NGFR: variants seen among roughly 807,000 people sequenced by gnomAD.
NGFR encodes tumor necrosis factor receptor superfamily member 16.
NGFR carries 30 observed loss-of-function variants against 43.2 expected under a neutral mutation model. That is an observed-to-expected ratio of 0.69 (90% CI 0.52 to 0.94). The LOEUF (loss-of-function observed/expected upper bound fraction) is 0.94. Among genes scored for constraint, NGFR ranks in the 40% least tolerant of loss-of-function variants. The pLI is 0.00. For synonymous variants in NGFR, 246 were observed against 259.6 expected, an observed-to-expected ratio of 0.95 and a Z score of 0.50; for missense variants, 529 against 602.5, an observed-to-expected ratio of 0.88 and a Z score of 1.28.
rs1291076719 is a variant in NGFR, at chr17:49,513,928, G to A, written c.*919G>A. ...CTGTCCCTCTCAGGCATGCCTGTGTGACATCAGTGGCATGGCTCCAGTCTG... is the reference window on the plus strand; with the variant it reads ...CTGTCCCTCTCAGGCATGCCTGTGTAACATCAGTGGCATGGCTCCAGTCTG... On this transcript the variant is annotated 3_prime_UTR_variant, in exon 6 of 6. Coordinates refer to ENST00000172229, the MANE Select transcript of NGFR (RefSeq NM_002507.4). The A allele has an allele frequency of 6.6e-6, 1 of 152,416 alleles. No homozygotes were observed. Among genetic ancestry groups the A allele is most frequent in the Non-Finnish European group, 1.5e-5 (1 of 68,186 alleles). 9.4% of individuals were successfully genotyped at this position (152,416 alleles called of 1,614,324 possible). A position where few individuals can be genotyped will look rare whatever the true frequency, so the allele number is the denominator to read the frequency against.
chr17:49,506,805 G>A, intron 3 of NGFR, 147 bp downstream of exon 3: 3 of 718,762 alleles, frequency 4.2e-6, no homozygotes, highest in Non-Finnish European at 2.2e-6. Flanking sequence ...CCTTCCCTGA[G>A]CTTCAGTCCT....
At chr17:49,504,554 TAC>T (rs1356491867) in intron 2 of NGFR, among the ~76,000 whole-genome samples, 1 of 152,128 alleles carries the variant, frequency 6.6e-6, no homozygotes, top group Non-Finnish European at 1.5e-5. Flanking sequence ...TCCTTATTTT[TAC>T]AGAGAAAGAA....
intron 1 of NGFR, among the ~76,000 whole-genome samples, chr17:49,501,559 T>C (rs2071167043): frequency 6.6e-6 from 1 of 152,160 alleles, no homozygotes; most frequent in Non-Finnish European, 1.5e-5. Flanking sequence ...GGACCTGGAG[T>C]AAGGCCCTGC....
At chr17:49,506,238 G>C in intron 2 of NGFR, 61 bp from the exon 3 acceptor site, 1 of 1,506,254 alleles carries the variant, frequency 6.6e-7, no homozygotes, top group Non-Finnish European at 8.8e-7. Flanking sequence ...AGAGACTCCA[G>C]CTCCTGCGTC....
intron 1 of NGFR, among the ~76,000 whole-genome samples, 164 bp from the exon 2 acceptor site, chr17:49,501,899 T>A: frequency 6.6e-6 from 1 of 152,204 alleles, no homozygotes; most frequent in East Asian, 1.9e-4. Context: ...GCCTTTCCCC[T>A]GTCAGCTTTG....
chr17:49,502,000 A>ACCC (rs11466133), intron 1 of NGFR, 63 bp from the exon 2 acceptor site: 10 of 268,392 alleles, frequency 3.7e-5, no homozygotes, highest in East Asian at 8.5e-5. Context: ...CCCCGGAAGA[A>ACCC]CCCCCCCCAA....
chr17:49,512,296 CT>C lies in NGFR; in HGVS notation c.982+245del, dbSNP rs570538370. On this transcript the variant is annotated intron_variant, in intron 5 of 5. Coordinates refer to ENST00000172229, the MANE Select transcript of NGFR (RefSeq NM_002507.4). The surrounding 1 kb of genome is among the most constrained non-coding windows in gnomAD (Gnocchi z 5.2). ...AGACTCATCAAGCTAATTGTCCCCC[CT>C]GGGGGCTAATTATTGCCCAAAGTAG... Among the ~76,000 whole-genome samples the C allele has an allele frequency of 4.9e-4, 74 of 152,304 alleles. No homozygotes were observed. Among genetic ancestry groups the C allele is most frequent in the African/African-American group, 1.6e-3 (66 of 41,558 alleles).
intron 2 of NGFR, 191 bp from the exon 3 acceptor site, chr17:49,506,108 T>G: frequency 2.6e-6 from 3 of 1,173,696 alleles, no homozygotes; most frequent in Non-Finnish European, 3.4e-6. Context: ...CTCCTCCCCC[T>G]TTCCCAGTTG....
chr17:49,510,539 G>A lies in NGFR; in HGVS notation c.696G>A (p.Val232=), dbSNP rs115611477. 8 of 1,614,058 alleles carry A rather than the reference G, an allele frequency of 5.0e-6. No individual in the cohort carries two copies. The African/African-American group carries it at 9.3e-5, about 19-fold the overall frequency. The change falls in exon 4 of 6, where the codon GTG becomes GTA. Residue 232 remains valine, a synonymous_variant. Transcript: ENST00000172229. ...DLIASTVAGV[V]TTVMGSSQPV... ...TAGCCAGCACGGTGGCAGGTGTGGT[G>A]ACCACAGTGATGGGCAGCTCCCAGC...
rs561033327 is a variant in NGFR at position 49,507,976 on chromosome 17, C to G, written c.568+1318C>G. ...GGGACCCTCCAGTCTGATAGGGGCT[C>G]CAACCCACACCTGCCTTCCAAGTCC... On this transcript the variant is annotated intron_variant, in intron 3 of 5. Coordinates refer to ENST00000172229, the MANE Select transcript of NGFR (RefSeq NM_002507.4). Among the ~76,000 whole-genome samples, 39 of 152,346 alleles carry G rather than the reference C, an allele frequency of 2.6e-4. 1 individual carries two copies. Among genetic ancestry groups the G allele is most frequent in the African/African-American group, 9.4e-4 (39 of 41,572 alleles).
rs895491938 is a variant in NGFR at position 49,495,334 on chromosome 17, G to A, written c.-84G>A. On this transcript the variant is annotated 5_prime_UTR_variant, in exon 1 of 6. Coordinates refer to ENST00000172229, the MANE Select transcript of NGFR (RefSeq NM_002507.4). The surrounding 1 kb of genome is among the most constrained non-coding windows in gnomAD (Gnocchi z 6.4). Reference sequence around the variant, plus strand: ...CGGCCAGCTCCGGCGGGCAGGGGGGGCGCTGGAGCGCAGCGCAGCGCAGCC... The same window carrying A: ...CGGCCAGCTCCGGCGGGCAGGGGGGACGCTGGAGCGCAGCGCAGCGCAGCC... The A allele has an allele frequency of 3.1e-5, 34 of 1,095,366 alleles. No individual in the cohort carries two copies. The highest frequency in any genetic ancestry group is 3.5e-5 in the Non-Finnish European group (30 of 865,002). 67.9% of individuals were successfully genotyped at this position (1,095,366 alleles called of 1,614,324 possible).
intron 3 of NGFR, among the ~76,000 whole-genome samples, chr17:49,509,445 C>A (rs2071218549): frequency 6.6e-6 from 1 of 152,242 alleles, no homozygotes; most frequent in Non-Finnish European, 1.5e-5. Flanking sequence ...CCAGAGCCCA[C>A]AACCCCTAGC....
At position 49,495,839 on chromosome 17, in the gene NGFR, T is replaced by G; in HGVS notation, c.66+356T>G. On this transcript the variant is annotated intron_variant, in intron 1 of 5. Coordinates refer to ENST00000172229, the MANE Select transcript of NGFR (RefSeq NM_002507.4). The surrounding 1 kb of genome is among the most constrained non-coding windows in gnomAD (Gnocchi z 6.4). ...GAATGCCGGGATCCCGAAGGGACTT[T>G]CCCCTCAGCATCTCGGTCTCTGGAG... 1 of 250,348 alleles carries G rather than the reference T, an allele frequency of 4.0e-6. No individual in the cohort carries two copies. The highest frequency in any genetic ancestry group is 7.6e-6 in the Non-Finnish European group (1 of 131,662). 15.5% of individuals were successfully genotyped at this position (250,348 alleles called of 1,614,324 possible).
At chr17:49,510,901 A>C (rs1321413221) in intron 4 of NGFR, 11 of 520,746 alleles carry the variant, frequency 2.1e-5, no homozygotes, top group South Asian at 4.7e-5. Flanking sequence ...AGCCCCTCCC[A>C]CTCCCATGCC....
Position 49,502,116 on chromosome 17 carries a change from C to A in NGFR, c.120C>A (p.Ser40Arg). The A allele has an allele frequency of 4.3e-6, 7 of 1,611,890 alleles. No individual in the cohort carries two copies. The highest frequency in any genetic ancestry group is 5.9e-6 in the Non-Finnish European group (7 of 1,178,906). ...EACPTGLYTH[S>R]GECCKACNLG... ...GCCCCACAGGCCTGTACACACACAG[C>A]GGTGAGTGCTGCAAAGCCTGCAACC... is the stretch of plus-strand genomic sequence containing the variant. Residue 40 changes from serine to arginine, a missense_variant, in exon 2 of 6, where the codon AGC becomes AGA. Transcript: ENST00000172229.
chr17:49,507,794 A>G (rs752227252), intron 3 of NGFR, among the ~76,000 whole-genome samples: 1 of 152,174 alleles, frequency 6.6e-6, no homozygotes, highest in African/African-American at 2.4e-5. Context: ...CCCCAGTTTG[A>G]TGGGAGAGAT....
At chr17:49,501,999 A>ATGCCCCCCCCC in intron 1 of NGFR, 64 bp from the exon 2 acceptor site, 1 of 330,984 alleles carries the variant, frequency 3.0e-6, no homozygotes, top group Non-Finnish European at 5.9e-6. Flanking sequence ...TCCCCGGAAG[A>ATGCCCCCCCCC]ACCCCCCCCA....
At chr17:49,505,042 G>A (rs918274052) in intron 2 of NGFR, among the ~76,000 whole-genome samples, 2 of 152,050 alleles carry the variant, frequency 1.3e-5, no homozygotes, top group Non-Finnish European at 2.9e-5. Context: ...AAAGTGCTGG[G>A]ATTACAGGAG....
chr17:49,501,482 C>G (rs563423736), intron 1 of NGFR, among the ~76,000 whole-genome samples: 2 of 152,182 alleles, frequency 1.3e-5, no homozygotes, highest in African/African-American at 2.4e-5. Context: ...AACCCAAGAC[C>G]CTGGCCCTCT....
Sources: gnomAD v4.1 joint callset for allele counts (sites outside exome capture counted in the v4.1 genomes callset) on GRCh38, gnomAD v4.1.1 for gene constraint, Gnocchi (gnomAD v3.1) non-coding constraint, MANE v1.5 for transcripts, NCBI Gene and HGNC (gene_info 2026-07-23, HGNC 2026-07-21) for gene names.